Variants in ANKRD13C observed in about 807,000 individuals in gnomAD.
ANKRD13C encodes the protein ankyrin repeat domain 13C, also known as ankyrin repeat domain-containing protein 13C.
ANKRD13C carries 16 observed loss-of-function variants against 65.5 expected under a neutral mutation model. That is an observed-to-expected ratio of 0.24 (90% CI 0.17 to 0.37). ANKRD13C has a LOEUF of 0.37. Among genes scored for constraint, ANKRD13C ranks in the 10% least tolerant of loss-of-function variants. ANKRD13C has a pLI of 1.00. For missense variants in ANKRD13C, 503 were observed against 655.9 expected, an observed-to-expected ratio of 0.77 and a Z score of 2.55; for synonymous variants, 235 against 238.7, an observed-to-expected ratio of 0.98 and a Z score of 0.14.
chr1:70,263,714 G>A (rs1678483264), intron 12 of ANKRD13C, among the ~76,000 whole-genome samples: 1 of 152,090 alleles, frequency 6.6e-6, no homozygotes, highest in Non-Finnish European at 1.5e-5. Context: ...ATTTTGGGAG[G>A]ACAAGGCAGG....
chr1:70,300,675 C>G (rs925722690), intron 7 of ANKRD13C, 89 bp downstream of exon 7: 1 of 1,277,184 alleles, frequency 7.8e-7, no homozygotes, highest in Non-Finnish European at 1.0e-6. Flanking sequence ...ATACCTTAAG[C>G]TTTTAAGCAA....
rs992156138 is a variant in ANKRD13C at position 70,259,260 on chromosome 1, T to A, written c.*3457A>T. ...TGGGTTTTATCTTTTTGGTTTTATGTTAGACAATATTTCTACTCTAATTAA... is the reference window on the plus strand; with the variant it reads ...TGGGTTTTATCTTTTTGGTTTTATGATAGACAATATTTCTACTCTAATTAA... On this transcript the variant is annotated 3_prime_UTR_variant, in exon 13 of 13. Transcript: ENST00000370944. 6.6e-6 allele frequency among the ~76,000 whole-genome samples: 1 copy of A among 152,218 alleles called. No homozygotes were observed. Among genetic ancestry groups the A allele is most frequent in the Non-Finnish European group, 1.5e-5 (1 of 68,030 alleles).
At chr1:70,338,953 G>A (rs1023493779) in intron 1 of ANKRD13C, among the ~76,000 whole-genome samples, 1 of 152,172 alleles carries the variant, frequency 6.6e-6, no homozygotes, top group Non-Finnish European at 1.5e-5. Context: ...CGGGCGCGGT[G>A]GCTCACGCCT....
intron 9 of ANKRD13C, among the ~76,000 whole-genome samples, chr1:70,281,766 A>G (rs1679402579): frequency 6.6e-6 from 1 of 151,626 alleles, no homozygotes; most frequent in South Asian, 2.1e-4. Flanking sequence ...GGGCTCTCAA[A>G]CAGAATAGGA....
At chr1:70,266,291 C>T (rs1678627381) in intron 12 of ANKRD13C, among the ~76,000 whole-genome samples, 1 of 152,196 alleles carries the variant, frequency 6.6e-6, no homozygotes, top group Non-Finnish European at 1.5e-5. Flanking sequence ...TCAAGCAATT[C>T]ATCCAGGTTG....
intron 3 of ANKRD13C, among the ~76,000 whole-genome samples, chr1:70,321,170 G>A (rs972475843): frequency 5.3e-5 from 8 of 151,702 alleles, no homozygotes; most frequent in African/African-American, 1.7e-4. Flanking sequence ...GAGATAAAGG[G>A]GTGAATAAGA....
intron 9 of ANKRD13C, among the ~76,000 whole-genome samples, chr1:70,279,217 A>T (rs191644518): frequency 4.1e-4 from 62 of 151,842 alleles, no homozygotes; most frequent in African/African-American, 1.2e-3. Context: ...AAAAGAAATT[A>T]AAAAAGAGAG....
intron 1 of ANKRD13C, among the ~76,000 whole-genome samples, chr1:70,340,835 G>T (rs573497077): frequency 2.0e-5 from 3 of 152,058 alleles, no homozygotes; most frequent in Non-Finnish European, 4.4e-5. Flanking sequence ...TATTGGGGGC[G>T]GGCACGGTGG....
rs1286734704 is a variant in ANKRD13C, at chr1:70,346,507, C to A, written c.430+7472G>T. Among the ~76,000 whole-genome samples the A allele has an allele frequency of 2.0e-5, 3 of 152,140 alleles. No individual in the cohort carries two copies. In the East Asian group the frequency reaches 5.8e-4, roughly 29 times the overall value. ...ATAAAAATAGTTGCGACTTTGTGCA[C>A]CCCCTAACTATAGAACAAAGCAGGA... On this transcript the variant is annotated intron_variant, in intron 1 of 12. Coordinates refer to ENST00000370944, the MANE Select transcript of ANKRD13C (RefSeq NM_030816.5).
chr1:70,269,655 G>C (rs1168873333), intron 12 of ANKRD13C, among the ~76,000 whole-genome samples: 2 of 150,850 alleles, frequency 1.3e-5, no homozygotes, highest in Non-Finnish European at 2.9e-5. Context: ...TAGACACTGG[G>C]TTCCTAGTGC....
intron 1 of ANKRD13C, among the ~76,000 whole-genome samples, chr1:70,352,311 G>T (rs1031186409): frequency 7.5e-6 from 1 of 132,602 alleles, no homozygotes; most frequent in Admixed American, 8.9e-5. Flanking sequence ...CTGCACTCCA[G>T]CCTGGGCGAC....
chr1:70,281,106 T>C (rs1460673404), intron 9 of ANKRD13C, among the ~76,000 whole-genome samples: 1 of 152,100 alleles, frequency 6.6e-6, no homozygotes, highest in Non-Finnish European at 1.5e-5. Flanking sequence ...TTAGACACAC[T>C]AAATTTTAGA....
At chr1:70,277,328 A>G (rs1679184961) in intron 9 of ANKRD13C, among the ~76,000 whole-genome samples, 1 of 151,986 alleles carries the variant, frequency 6.6e-6, no homozygotes, top group South Asian at 2.1e-4. Flanking sequence ...CGTGATGGTG[A>G]GTGCCTGTAA....
chr1:70,275,011 C>G (rs1025592808), intron 10 of ANKRD13C, among the ~76,000 whole-genome samples, 193 bp from the exon 11 acceptor site: 1 of 152,026 alleles, frequency 6.6e-6, no homozygotes, highest in Non-Finnish European at 1.5e-5. Context: ...AAAAGAATAG[C>G]AAAGAGTAAA....
intron 3 of ANKRD13C, among the ~76,000 whole-genome samples, chr1:70,323,680 G>A (rs1232509933): frequency 6.6e-6 from 1 of 151,398 alleles, no homozygotes; most frequent in East Asian, 1.9e-4. Flanking sequence ...ATAAAGTTCA[G>A]GAAGTCCACA....
intron 9 of ANKRD13C, among the ~76,000 whole-genome samples, chr1:70,281,593 CAG>C (rs1679393809): frequency 6.6e-6 from 1 of 151,092 alleles, no homozygotes; most frequent in Non-Finnish European, 1.5e-5. Context: ...TTTGTAGAGA[CAG>C]AGTCTCACTA....
intron 12 of ANKRD13C, among the ~76,000 whole-genome samples, chr1:70,264,828 G>A (rs751843724): frequency 6.6e-6 from 1 of 152,164 alleles, no homozygotes; most frequent in Non-Finnish European, 1.5e-5. Flanking sequence ...GGGAGTCTCA[G>A]TGTTGGGGGT....
chr1:70,322,430 G>A (rs1038220326), intron 3 of ANKRD13C, among the ~76,000 whole-genome samples: 13 of 152,002 alleles, frequency 8.6e-5, no homozygotes, highest in African/African-American at 2.9e-4. Flanking sequence ...ACATAATAAT[G>A]GACAATGGGA....
intron 5 of ANKRD13C, among the ~76,000 whole-genome samples, chr1:70,309,515 A>G (rs1429306791): frequency 1.3e-5 from 2 of 150,170 alleles, no homozygotes; most frequent in African/African-American, 4.9e-5. Context: ...TGAGAAGATC[A>G]AGACCATCTT....
Sources: allele counts gnomAD v4.1 joint callset (sites outside exome capture counted in the v4.1 genomes callset), GRCh38; gene constraint gnomAD v4.1.1; transcripts MANE v1.5; gene names NCBI Gene and HGNC (gene_info 2026-07-23, HGNC 2026-07-21).